Variants in CTNNA2 observed in about 807,000 individuals in gnomAD.
CTNNA2 encodes the protein catenin alpha-2.
A neutral mutation model predicts 101.0 loss-of-function variants in CTNNA2; 42 were observed. That is an observed-to-expected ratio of 0.42 (90% CI 0.32 to 0.54). The LOEUF (loss-of-function observed/expected upper bound fraction) is 0.54, where lower values mean the gene tolerates loss of function less well. CTNNA2 is among the 20% of genes least tolerant of loss of function. The pLI is 0.14. For synonymous variants in CTNNA2, 450 were observed against 456.4 expected (o/e 0.99, Z 0.18); for missense variants, 871 against 1,223.1 (o/e 0.71, Z 4.29).
chr2:80,297,527 C>G (rs1217320511), intron 7 of CTNNA2, among the ~76,000 whole-genome samples: 1 of 152,150 alleles, frequency 6.6e-6, no homozygotes, highest in Non-Finnish European at 1.5e-5. Context: ...CCAGGCCCTT[C>G]ACTTTGAGTA....
At chr2:79,788,301 G>C (rs769160093) in intron 3 of CTNNA2, among the ~76,000 whole-genome samples, 2 of 152,132 alleles carry the variant, frequency 1.3e-5, no homozygotes, top group Non-Finnish European at 2.9e-5. Flanking sequence ...CAATGGAATT[G>C]GAGTGCAGGC....
At chr2:80,001,786 G>GGACTGTCCTACATACATACAGATGA (rs1692970432) in intron 7 of CTNNA2, among the ~76,000 whole-genome samples, 9 of 152,204 alleles carry the variant, frequency 5.9e-5, no homozygotes, top group African/African-American at 9.6e-5. Context: ...CCAGGACAGT[G>GGACTGTCCTACATACATACAGATGA]CTGTCGTCAT....
At chr2:79,601,255 G>A (rs1398250879) in intron 1 of CTNNA2, among the ~76,000 whole-genome samples, 2 of 152,144 alleles carry the variant, frequency 1.3e-5, no homozygotes, top group Non-Finnish European at 2.9e-5. Flanking sequence ...CCCAAGATAA[G>A]CACTTCACCT....
rs138893272 is a variant in CTNNA2 at position 80,007,286 on chromosome 2, T to G, written c.1056+97489T>G. On this transcript the variant is annotated intron_variant, in intron 7 of 18. Transcript: ENST00000402739. ...TTCAAAACCGAGAGACTGTGTTAAT[T>G]GTAAATGAACTCAAGTGTATCCAAG... Among the ~76,000 whole-genome samples, 141 of 152,316 alleles carry G rather than the reference T, an allele frequency of 9.3e-4. 3 individuals carry two copies. In the East Asian group the frequency reaches 0.026, roughly 28 times the overall value.
intron 2 of CTNNA2, among the ~76,000 whole-genome samples, chr2:79,702,174 G>T (rs1457864630): frequency 2.6e-5 from 4 of 151,834 alleles, no homozygotes; most frequent in African/African-American, 9.7e-5. Flanking sequence ...TGCAAACTGT[G>T]ATCTGTGGCC....
intron 2 of CTNNA2, among the ~76,000 whole-genome samples, chr2:79,265,357 A>G (rs1057484998): frequency 1.3e-5 from 2 of 152,186 alleles, no homozygotes; most frequent in African/African-American, 2.4e-5. Flanking sequence ...AGGCAGCTCC[A>G]TATGGTGCCA....
At chr2:80,484,531 G>T (rs1486367532) in intron 9 of CTNNA2, among the ~76,000 whole-genome samples, 3 of 152,262 alleles carry the variant, frequency 2.0e-5, no homozygotes, top group African/African-American at 7.2e-5. Context: ...AATAGCCTTT[G>T]TCCTAGTCTA....
chr2:79,358,594 A>G (rs1259781776), intron 3 of CTNNA2, among the ~76,000 whole-genome samples: 2 of 152,206 alleles, frequency 1.3e-5, no homozygotes, highest in Middle Eastern at 3.2e-3. Context: ...CAAAGAACCT[A>G]AAAAGGAGGA....
intron 4 of CTNNA2, among the ~76,000 whole-genome samples, chr2:79,446,830 A>T (rs1199165283): frequency 6.6e-6 from 1 of 152,088 alleles, no homozygotes; most frequent in Non-Finnish European, 1.5e-5. Flanking sequence ...CCAAAAAAAA[A>T]TCCAGATTTG....
intron 7 of CTNNA2, among the ~76,000 whole-genome samples, chr2:79,930,504 G>T (rs1252962070): frequency 1.3e-5 from 2 of 152,114 alleles, no homozygotes; most frequent in African/African-American, 4.8e-5. Flanking sequence ...GGTGGAGAAT[G>T]AAACTTTTGC....
At chr2:80,479,748 G>C (rs1686004690) in intron 9 of CTNNA2, among the ~76,000 whole-genome samples, 1 of 152,112 alleles carries the variant, frequency 6.6e-6, no homozygotes, top group African/African-American at 2.4e-5. Flanking sequence ...TCACTAGAAA[G>C]GGATGTCCTC....
intron 3 of CTNNA2, among the ~76,000 whole-genome samples, chr2:79,345,713 G>A (rs1322995201): frequency 6.6e-6 from 1 of 152,134 alleles, no homozygotes; most frequent in African/African-American, 2.4e-5. Context: ...TCTGTTTTGA[G>A]ACAGAGTTTC....
At chr2:79,190,419 AT>A (rs1415665914) in intron 1 of CTNNA2, among the ~76,000 whole-genome samples, 7 of 152,168 alleles carry the variant, frequency 4.6e-5, no homozygotes, top group South Asian at 2.1e-4. Flanking sequence ...TCTAAGCCCC[AT>A]GTAATAACCA....
chr2:79,205,942 T>A (rs1674094987), intron 2 of CTNNA2, among the ~76,000 whole-genome samples: 1 of 152,194 alleles, frequency 6.6e-6, no homozygotes, highest in Admixed American at 6.6e-5. Flanking sequence ...GCTCGGCCCT[T>A]TCTTGCTTTT....
intron 1 of CTNNA2, among the ~76,000 whole-genome samples, chr2:79,619,944 T>C (rs1326845243): frequency 1.3e-5 from 2 of 152,218 alleles, no homozygotes; most frequent in Non-Finnish European, 2.9e-5. Flanking sequence ...TCGTAGCTTT[T>C]TTTCTGTTTA....
At chr2:79,251,613 C>A (rs780182848) in intron 2 of CTNNA2, among the ~76,000 whole-genome samples, 61 of 151,968 alleles carry the variant, frequency 4.0e-4, no homozygotes, top group Non-Finnish European at 7.4e-4. Context: ...GGAAGCCAGC[C>A]GTCATGTTGT....
chr2:79,215,972 T>C (rs1308766135), intron 2 of CTNNA2, among the ~76,000 whole-genome samples: 1 of 151,724 alleles, frequency 6.6e-6, no homozygotes, highest in African/African-American at 2.4e-5. Flanking sequence ...TGAGGGGACA[T>C]GTGGGAGGGA....
At chr2:79,326,062 G>A (rs1263476883) in intron 3 of CTNNA2, among the ~76,000 whole-genome samples, 1 of 152,128 alleles carries the variant, frequency 6.6e-6, no homozygotes, top group Non-Finnish European at 1.5e-5. Flanking sequence ...CTAAACACAG[G>A]AACTTGGTTA....
At chr2:80,131,312 G>A (rs1247053203) in intron 7 of CTNNA2, among the ~76,000 whole-genome samples, 1 of 152,116 alleles carries the variant, frequency 6.6e-6, no homozygotes, top group African/African-American at 2.4e-5. Flanking sequence ...GCCCGCCTTG[G>A]CCTCCCAAAG....
Sources: allele counts gnomAD v4.1 joint callset (sites outside exome capture counted in the v4.1 genomes callset), GRCh38; gene constraint gnomAD v4.1.1; transcripts MANE v1.5; gene names NCBI Gene and HGNC (gene_info 2026-07-23, HGNC 2026-07-21).